MYL12B: variants seen among roughly 807,000 people sequenced by gnomAD.
The protein encoded by MYL12B is myosin regulatory light chain 12B.
A neutral mutation model predicts 12.9 loss-of-function variants in MYL12B; 3 were observed. The ratio of observed to expected loss-of-function variants is 0.23; its 90% CI spans 0.11 to 0.60. MYL12B has a LOEUF of 0.60. Among genes scored for constraint, MYL12B ranks in the 20% least tolerant of loss-of-function variants. The pLI, the probability that MYL12B is intolerant of heterozygous loss-of-function variation, is 0.89. For synonymous variants in MYL12B, 57 were observed against 71.9 expected (o/e 0.79, Z 1.05); for missense variants, 120 against 215.4 (o/e 0.56, Z 2.77).
chr18:3,270,752 C>T (rs576991996), intron 1 of MYL12B, among the ~76,000 whole-genome samples: 112 of 152,294 alleles, frequency 7.4e-4, no homozygotes, highest in Non-Finnish European at 1.3e-3. Context: ...TCACCAGCCT[C>T]GACCTCCCAG....
chr18:3,271,874 A>G (rs2081681916), intron 1 of MYL12B, among the ~76,000 whole-genome samples: 1 of 151,918 alleles, frequency 6.6e-6, no homozygotes, highest in African/African-American at 2.4e-5. Context: ...AGCTACTACC[A>G]AAGCCATATT....
intron 1 of MYL12B, among the ~76,000 whole-genome samples, chr18:3,270,564 G>A (rs1004812158): frequency 1.3e-5 from 2 of 152,042 alleles, no homozygotes; most frequent in Non-Finnish European, 2.9e-5. Flanking sequence ...TTCTGTCTTG[G>A]TATCAGCTTC....
At position 3,275,070 on chromosome 18, in the gene MYL12B, G is replaced by A. The variant is rs143775283; in HGVS notation, c.184+1988G>A. Among the ~76,000 whole-genome samples, 256 of 151,908 alleles carry A rather than the reference G, an allele frequency of 1.7e-3. 5 individuals carry two copies. Among genetic ancestry groups the A allele is most frequent in the African/African-American group, 5.8e-3 (238 of 41,196 alleles). ...CAGCCATGATTTGAAAACACCGTAA[G>A]TGTCCGTCACCAGATGAACGGATTT... On this transcript the variant is annotated intron_variant, in intron 2 of 3. Transcript: ENST00000237500.
At chr18:3,263,823 A>G (rs1474839379) in intron 1 of MYL12B, among the ~76,000 whole-genome samples, 1 of 152,172 alleles carries the variant, frequency 6.6e-6, no homozygotes, top group Non-Finnish European at 1.5e-5. Flanking sequence ...AGCTGCCTGT[A>G]TGCAGGATGT....
intron 1 of MYL12B, chr18:3,263,087 C>G (rs1397702963): frequency 1.3e-5 from 2 of 151,826 alleles, no homozygotes; most frequent in Non-Finnish European, 2.9e-5. Context: ...GGGACACCGG[C>G]GGGTATGGAA....
At chr18:3,271,424 A>G (rs893764338) in intron 1 of MYL12B, among the ~76,000 whole-genome samples, 2 of 152,202 alleles carry the variant, frequency 1.3e-5, no homozygotes, top group African/African-American at 4.8e-5. Context: ...GAATAAATAG[A>G]AGTAGACAAT....
At chr18:3,266,290 A>G (rs1215269261) in intron 1 of MYL12B, among the ~76,000 whole-genome samples, 2 of 152,244 alleles carry the variant, frequency 1.3e-5, no homozygotes, top group South Asian at 2.1e-4. Context: ...TCCCTGCCAC[A>G]TGGATCTCTC....
chr18:3,271,615 C>T lies in MYL12B; in HGVS notation c.-15-1269C>T, dbSNP rs536929973. Among the ~76,000 whole-genome samples the T allele has an allele frequency of 3.9e-5, 6 of 152,154 alleles. No homozygotes were observed. In the East Asian group the frequency reaches 7.7e-4, roughly 20 times the overall value. On this transcript the variant is annotated intron_variant, in intron 1 of 3. Transcript: ENST00000237500. ...TTTGGATGTCCTAAGACCACCCTTG[C>T]GTTTGATTATTTGCTAAGACTCACA... is the stretch of plus-strand genomic sequence containing the variant.
At position 3,277,287 on chromosome 18, in the gene MYL12B, G is replaced by T; in HGVS notation, c.219G>T (p.Met73Ile). The change falls in exon 3 of 4, where the codon ATG becomes ATT. Residue 73 changes from methionine (M) to isoleucine (I), a missense_variant. Met to Ile is a conservative substitution (Grantham distance 10). Coordinates refer to ENST00000237500, the MANE Select transcript of MYL12B (RefSeq NM_033546.4). ...CCACTGATGCATACCTTGATGCCAT[G>T]ATGAATGAGGCCCCAGGGCCCATCA... ...KNPTDAYLDA[M>I]MNEAPGPINF... 1 of 1,613,004 alleles carries T rather than the reference G, an allele frequency of 6.2e-7. No homozygotes were observed. Among genetic ancestry groups the T allele is most frequent in the Non-Finnish European group, 8.5e-7 (1 of 1,179,618 alleles).
chr18:3,276,402 A>G (rs969805425), intron 2 of MYL12B: 13 of 984,416 alleles, frequency 1.3e-5, no homozygotes, highest in Non-Finnish European at 1.6e-5. Flanking sequence ...GATTTCTTTC[A>G]GCTCCTAGGG....
chr18:3,267,056 A>AACATAATAATCTAAGTGGTTC (rs1234921389), intron 1 of MYL12B, among the ~76,000 whole-genome samples: 1 of 152,240 alleles, frequency 6.6e-6, no homozygotes, highest in Non-Finnish European at 1.5e-5. Context: ...CTAAGTGGTT[A>AACATAATAATCTAAGTGGTTC]ACTTAATAAT....
chr18:3,264,145 C>G (rs2081617941), intron 1 of MYL12B, among the ~76,000 whole-genome samples: 1 of 152,128 alleles, frequency 6.6e-6, no homozygotes, highest in Non-Finnish European at 1.5e-5. Flanking sequence ...GGGGAAGAGA[C>G]TGGAACCATA....
In MYL12B at chr18:3,272,892, A is replaced by C; in HGVS notation, c.-7A>C. On this transcript the variant is annotated 5_prime_UTR_variant, in exon 2 of 4. Coordinates refer to ENST00000237500, the MANE Select transcript of MYL12B (RefSeq NM_033546.4). ...TTTTTTTTTTAATCCAGAATTAAAC[A>C]ACCACCATGTCGAGCAAAAAGGCAA... 4.4e-6 allele frequency: 7 copies of C among 1,575,762 alleles called. No individual in the cohort carries two copies. Among genetic ancestry groups the C allele is most frequent in the Non-Finnish European group, 6.0e-6 (7 of 1,165,230 alleles).
chr18:3,272,066 C>T, intron 1 of MYL12B: 1 of 984,930 alleles, frequency 1.0e-6, no homozygotes, highest in Non-Finnish European at 1.2e-6. Context: ...GACAGTTCAG[C>T]ATTAGACTGG....
intron 2 of MYL12B, 135 bp downstream of exon 2, chr18:3,273,217 G>A: frequency 9.7e-7 from 1 of 1,029,358 alleles, no homozygotes; most frequent in Non-Finnish European, 1.3e-6. Flanking sequence ...GGGTGTGGGA[G>A]GTGCTATTTT....
chr18:3,268,742 A>T (rs1466708091), intron 1 of MYL12B, among the ~76,000 whole-genome samples: 3 of 152,244 alleles, frequency 2.0e-5, no homozygotes, highest in Non-Finnish European at 4.4e-5. Flanking sequence ...AAGAGTATTT[A>T]GTAGGAAGTA....
At chr18:3,273,876 C>T (rs1467314617) in intron 2 of MYL12B, among the ~76,000 whole-genome samples, 2 of 148,008 alleles carry the variant, frequency 1.4e-5, no homozygotes, top group Non-Finnish European at 3.0e-5. Context: ...CTTTTAATGC[C>T]TACAAAATGA....
chr18:3,277,774 A>G lies in MYL12B; in HGVS notation c.356A>G (p.Gln119Arg), dbSNP rs1181051890. 2 of 1,611,096 alleles carry G rather than the reference A, an allele frequency of 1.2e-6. No individual in the cohort carries two copies. Among genetic ancestry groups the G allele is most frequent in the Non-Finnish European group, 1.7e-6 (2 of 1,179,296 alleles). Residue 119 changes from glutamine (Q) to arginine (R), a missense_variant, in exon 4 of 4, where the codon CAG becomes CGG. Gln to Arg is a conservative substitution (Grantham distance 43). Transcript: ENST00000237500. Reference protein sequence around the residue: ...CFDEEATGTIQEDYLRELLTT... With the variant: ...CFDEEATGTIREDYLRELLTT... Reference sequence around the variant, plus strand: ...TTCTATTGTCTTCCAGGCACCATTCAGGAAGATTACCTAAGAGAGCTGCTG... The same window carrying G: ...TTCTATTGTCTTCCAGGCACCATTCGGGAAGATTACCTAAGAGAGCTGCTG...
chr18:3,270,580 G>A (rs1038773732), intron 1 of MYL12B, among the ~76,000 whole-genome samples: 1 of 152,148 alleles, frequency 6.6e-6, no homozygotes, highest in African/African-American at 2.4e-5. Flanking sequence ...GCTTCTTAGA[G>A]AACTCGGACT....
Sources: gnomAD v4.1 joint callset for allele counts (sites outside exome capture counted in the v4.1 genomes callset) on GRCh38, gnomAD v4.1.1 for gene constraint, MANE v1.5 for transcripts, NCBI Gene and HGNC (gene_info 2026-07-23, HGNC 2026-07-21) for gene names.